Variants in RAF1 observed in about 807,000 individuals in gnomAD.
RAF1 encodes Raf-1 proto-oncogene, serine/threonine kinase.
A neutral mutation model predicts 81.1 loss-of-function variants in RAF1; 27 were observed. That is an observed-to-expected ratio of 0.33 (90% CI 0.25 to 0.46). RAF1 has a LOEUF of 0.46. RAF1 is among the 20% of genes least tolerant of loss of function. RAF1 has a pLI of 1.00. For missense variants in RAF1, 598 were observed against 826.0 expected, an observed-to-expected ratio of 0.72 and a Z score of 3.38; for synonymous variants, 298 against 294.0, an observed-to-expected ratio of 1.01 and a Z score of -0.14.
intron 9 of RAF1, 54 bp downstream of exon 8, chr3:12,600,334 C>T (rs2125381318): frequency 2.5e-6 from 4 of 1,614,012 alleles, no homozygotes; most frequent in Non-Finnish European, 2.5e-6. Context: ...AGAAGATACA[C>T]CGCATAAAGA....
chr3:12,628,327 T>G (rs1020016617), intron 1 of RAF1, among the ~76,000 whole-genome samples: 5 of 151,952 alleles, frequency 3.3e-5, no homozygotes, highest in African/African-American at 1.2e-4. Flanking sequence ...GCCCAGGAGT[T>G]TGAGACCAGC....
Position 12,612,001 on chromosome 3 carries a change from C to T in RAF1, c.269G>A (p.Gly90Asp), listed in dbSNP as rs2125430715. ...CACTGCACAGCACTCTGGTTGCAGG[C>T]CCCTCACCTTGAGTGCTTTCATAAG... The change falls in exon 3 of 18, where the codon GGC becomes GAC. Residue 90 changes from glycine to aspartate, a missense_variant. Transcript: ENST00000442415. 6.2e-7 allele frequency: 1 copy of T among 1,614,170 alleles called. No individual in the cohort carries two copies.
chr3:12,604,982 G>T (rs1405125100), intron 6 of RAF1, among the ~76,000 whole-genome samples: 1 of 152,040 alleles, frequency 6.6e-6, no homozygotes, highest in Non-Finnish European at 1.5e-5. Flanking sequence ...AGGGAAAAAG[G>T]CCAGCTTTTC....
chr3:12,662,171 C>CT (rs567487971), intron 1 of RAF1, among the ~76,000 whole-genome samples: 795 of 118,106 alleles, frequency 6.7e-3, no homozygotes, highest in South Asian at 0.026. Flanking sequence ...TCCATCTCTA[C>CT]TATTTTTTTT....
intron 1 of RAF1, among the ~76,000 whole-genome samples, chr3:12,626,181 T>G (rs13069889): frequency 0.55 from 81,830 of 148,108 alleles, 23,871 homozygotes; most frequent in East Asian, 0.92. Context: ...GAGGTGGAGG[T>G]TGCAGTGAGC....
At chr3:12,656,888 T>C (rs2060710998) in intron 1 of RAF1, among the ~76,000 whole-genome samples, 2 of 151,810 alleles carry the variant, frequency 1.3e-5, no homozygotes, top group Admixed American at 6.6e-5. Context: ...TCCCTGCTAC[T>C]TGGGAAGCTG....
At position 12,641,490 on chromosome 3, in the gene RAF1, GTTTT is replaced by G. The variant is rs747472648; in HGVS notation, c.-27+22319_-27+22322del. Among the ~76,000 whole-genome samples, 190 of 134,602 alleles carry G rather than the reference GTTTT, an allele frequency of 1.4e-3. 1 individual carries two copies. The East Asian group carries it at 0.017, about 12-fold the overall frequency. 88.3% of individuals were successfully genotyped at this position (134,602 alleles called of 152,430 possible). A position where few individuals can be genotyped will look rare whatever the true frequency, so the allele number is the denominator to read the frequency against. On this transcript the variant is annotated intron_variant, in intron 1 of 17. Transcript: ENST00000442415. ...CCCCCCCAAAAAAAAATGTTTTTTG[GTTTT>G]TTTTTTTTTTTTTTTGAAACAGGGT...
chr3:12,605,289 T>A (rs1263228618), intron 6 of RAF1, among the ~76,000 whole-genome samples: 1 of 151,818 alleles, frequency 6.6e-6, no homozygotes, highest in African/African-American at 2.4e-5. Context: ...TGTGTATACA[T>A]AATATATTTT....
At chr3:12,608,685 G>T in intron 5 of RAF1, 81 bp downstream of exon 5, 1 of 1,480,538 alleles carries the variant, frequency 6.8e-7, no homozygotes, top group Non-Finnish European at 9.4e-7. Flanking sequence ...AGACCTGTCA[G>T]TCAAAATCTA....
chr3:12,587,343 C>T, intron 14 of RAF1: 1 of 554,618 alleles, frequency 1.8e-6, no homozygotes, highest in Non-Finnish European at 3.2e-6. Context: ...CTCCAAATCA[C>T]TTTTGCTGAG....
At chr3:12,657,137 C>A (rs1015119148) in intron 1 of RAF1, among the ~76,000 whole-genome samples, 1 of 152,168 alleles carries the variant, frequency 6.6e-6, no homozygotes, top group African/African-American at 2.4e-5. Context: ...CCTAAAAATA[C>A]TGGCTTTTGA....
At chr3:12,612,168 G>T in intron 2 of RAF1, 106 bp from the exon 3 acceptor site, 1 of 837,756 alleles carries the variant, frequency 1.2e-6, no homozygotes. Context: ...GATGGCCCAC[G>T]CACACACACA....
intron 11 of RAF1, among the ~76,000 whole-genome samples, chr3:12,596,352 C>T (rs983609656): frequency 2.0e-5 from 3 of 151,986 alleles, no homozygotes; most frequent in African/African-American, 7.3e-5. Context: ...TGCCATCACA[C>T]CCGGCTAATT....
chr3:12,606,542 T>G lies in RAF1; in HGVS notation c.582-243A>C, dbSNP rs2059035349. Among the ~76,000 whole-genome samples the G allele has an allele frequency of 2.6e-5, 4 of 152,134 alleles. No individual in the cohort carries two copies. The South Asian group carries it at 8.3e-4, about 32-fold the overall frequency. On this transcript the variant is annotated intron_variant, in intron 5 of 17. Coordinates refer to ENST00000442415, the MANE Select transcript of RAF1 (RefSeq NM_001354689.3). Reference sequence around the variant, plus strand: ...AACATACAGGCTCCTGTGTGCTTTTTCTTTTTCTTTTTTTTTAAGATGGAG... The same window carrying G: ...AACATACAGGCTCCTGTGTGCTTTTGCTTTTTCTTTTTTTTTAAGATGGAG...
At chr3:12,650,742 T>C (rs2060497702) in intron 1 of RAF1, among the ~76,000 whole-genome samples, 1 of 152,152 alleles carries the variant, frequency 6.6e-6, no homozygotes, top group Non-Finnish European at 1.5e-5. Flanking sequence ...TTAACAAAAA[T>C]TGAATATGTG....
intron 1 of RAF1, among the ~76,000 whole-genome samples, chr3:12,654,952 G>A (rs1324439890): frequency 6.7e-6 from 1 of 150,068 alleles, no homozygotes; most frequent in Admixed American, 6.6e-5. Context: ...AAAATGGGAG[G>A]ATCAATGGAG....
chr3:12,638,422 A>G (rs1172449210), intron 1 of RAF1, among the ~76,000 whole-genome samples: 1 of 152,216 alleles, frequency 6.6e-6, no homozygotes, highest in South Asian at 2.1e-4. Flanking sequence ...TCAGCTAAGG[A>G]GCAGCCAGGA....
chr3:12,619,390 G>A (rs778915080), intron 1 of RAF1, among the ~76,000 whole-genome samples: 1 of 151,794 alleles, frequency 6.6e-6, no homozygotes, highest in Non-Finnish European at 1.5e-5. Context: ...ATGGTAAAAT[G>A]CTGTCACTAC....
intron 2 of RAF1, among the ~76,000 whole-genome samples, chr3:12,614,062 G>A: frequency 6.6e-6 from 1 of 152,170 alleles, no homozygotes; most frequent in South Asian, 2.1e-4. Flanking sequence ...AGATGTGGAA[G>A]AAAGGAAAGG....
Sources: gnomAD v4.1 joint callset for allele counts (sites outside exome capture counted in the v4.1 genomes callset) on GRCh38, gnomAD v4.1.1 for gene constraint, MANE v1.5 for transcripts, NCBI Gene and HGNC (gene_info 2026-07-23, HGNC 2026-07-21) for gene names.